CFAP74: variants seen among roughly 807,000 people sequenced by gnomAD.
The protein encoded by CFAP74 is cilia- and flagella-associated protein 74.
In CFAP74, 124 loss-of-function variants were observed where a neutral mutation model predicts 188.9. The ratio of observed to expected loss-of-function variants is 0.66; its 90% confidence interval spans 0.57 to 0.76. The LOEUF (loss-of-function observed/expected upper bound fraction) is 0.76, where lower values mean the gene tolerates loss of function less well. Among genes scored for constraint, CFAP74 ranks in the 30% least tolerant of loss-of-function variants. The pLI is 0.00. For missense variants in CFAP74, 2,198 were observed against 2,165.2 expected, an observed-to-expected ratio of 1.02 and a Z score of -0.30; for synonymous variants, 956 against 916.7, an observed-to-expected ratio of 1.04 and a Z score of -0.77.
At position 1,924,502 on chromosome 1, in the gene CFAP74, G is replaced by A. The variant is rs1651695492; in HGVS notation, c.4123C>T (p.Leu1375Phe). The A allele has an allele frequency of 1.2e-6, 2 of 1,605,140 alleles. No homozygotes were observed. The highest frequency in any genetic ancestry group is 1.3e-5 in the African/African-American group (1 of 74,156). Residue 1375 changes from leucine to phenylalanine, a missense_variant, in exon 34 of 39, where the codon CTC (leucine) becomes TTC (phenylalanine). Leu to Phe is a conservative substitution (Grantham distance 22). Coordinates refer to ENST00000682832, the MANE Select transcript of CFAP74 (RefSeq NM_001304360.2). ...AGGTGCATGGAGAACTTGATGGGGA[G>A]CAGAGAGTTGTTCTGCAGCTGCAGA... ...SGFKLQNNSL[L>F]PIKFSMHLDS...
At position 1,985,371 on chromosome 1, in the gene CFAP74, T is replaced by G. The variant is rs778809476; in HGVS notation, c.500+15A>C. 3.1e-6 allele frequency: 5 copies of G among 1,605,000 alleles called. No homozygotes were observed. In the East Asian group the frequency reaches 1.1e-4, roughly 36 times the overall value. On this transcript the variant is annotated intron_variant, in intron 6 of 38. Coordinates refer to ENST00000682832, the MANE Select transcript of CFAP74 (RefSeq NM_001304360.2). ...GGGCCTGCCTGCTGCCAGTCCCGGCTGCACACCGACTCACTCGCTCTCCTT... is the reference window on the plus strand; with the variant it reads ...GGGCCTGCCTGCTGCCAGTCCCGGCGGCACACCGACTCACTCGCTCTCCTT...
chr1:1,927,395 G>A, intron 28 of CFAP74: 4 of 594,464 alleles, frequency 6.7e-6, no homozygotes, highest in Non-Finnish European at 1.2e-5. Context: ...CGTGGATTGA[G>A]GCTGTGTGCA....
rs530028377 is a variant in CFAP74 at position 1,979,720 on chromosome 1, G to T, written c.501-5522C>A. On this transcript the variant is annotated intron_variant, in intron 6 of 38. Transcript: ENST00000682832. ...GCGCAGAACACGCATGTCATGCTGA[G>T]CTGGGTGTGGGAAGGCGTCACGTGA... Among the ~76,000 whole-genome samples, 6 of 120,814 alleles carry T rather than the reference G, an allele frequency of 5.0e-5. 1 individual carries two copies. The South Asian group carries it at 1.8e-3, about 36-fold the overall frequency. 79.3% of individuals were successfully genotyped at this position (120,814 alleles called of 152,430 possible).
intron 18 of CFAP74, among the ~76,000 whole-genome samples, chr1:1,951,499 G>A (rs949829741): frequency 1.3e-4 from 20 of 152,298 alleles, no homozygotes; most frequent in South Asian, 4.1e-4. Flanking sequence ...CTCTTGTTCC[G>A]TTGGGTCTCT....
intron 1 of CFAP74, among the ~76,000 whole-genome samples, chr1:1,993,947 A>C (rs377491260): frequency 1.3e-4 from 19 of 151,176 alleles, no homozygotes; most frequent in East Asian, 7.8e-4. Flanking sequence ...ACACCACTGC[A>C]CTCCAGCCTG....
chr1:1,968,939 C>G lies in CFAP74; in HGVS notation c.1047-106G>C. On this transcript the variant is annotated intron_variant, in intron 10 of 38. Coordinates refer to ENST00000682832, the MANE Select transcript of CFAP74 (RefSeq NM_001304360.2). This position sits in a 1 kb window ranked among gnomAD's most constrained non-coding sequence, Gnocchi z 4.3. ...CCTCCCTAGCGCCCTCCTGGGGGCTCCGGTCCTGCCCAGCAGCCCCAGGTG... is the reference window on the plus strand; with the variant it reads ...CCTCCCTAGCGCCCTCCTGGGGGCTGCGGTCCTGCCCAGCAGCCCCAGGTG... The G allele has an allele frequency of 1.7e-6, 1 of 587,818 alleles. No homozygotes were observed. Among genetic ancestry groups the G allele is most frequent in the Non-Finnish European group, 2.6e-6 (1 of 382,554 alleles). The allele number at this position is 587,818 out of a possible 1,614,324, so 36.4% of individuals were successfully genotyped here. A position where few individuals can be genotyped will look rare whatever the true frequency, so the allele number is the denominator to read the frequency against.
At position 1,956,736 on chromosome 1, in the gene CFAP74, C is replaced by G; in HGVS notation, c.1900G>C (p.Glu634Gln). Reference sequence around the variant, plus strand: ...AGCGTGATGGTCCGAGACGTGGTCTCTCCTACCACGTAGCTGCCGAAGTCA... The same window carrying G: ...AGCGTGATGGTCCGAGACGTGGTCTGTCCTACCACGTAGCTGCCGAAGTCA... ...LIDFGSYVVG[E>Q]TTSRTITLTN... The change falls in exon 17 of 39, where the codon GAG (glutamate) becomes CAG (glutamine). Residue 634 changes from glutamate (E) to glutamine (Q), a missense_variant. Physicochemically the swap from Glu to Gln is conservative, Grantham distance 29. Transcript: ENST00000682832. The G allele has an allele frequency of 1.2e-6, 2 of 1,613,826 alleles. No individual in the cohort carries two copies. Among genetic ancestry groups the G allele is most frequent in the African/African-American group, 2.7e-5 (2 of 75,062 alleles).
At chr1:1,965,919 C>CTGTA (rs749707318) in intron 12 of CFAP74, among the ~76,000 whole-genome samples, 87 of 152,374 alleles carry the variant, frequency 5.7e-4, no homozygotes, top group Non-Finnish European at 8.5e-4. Flanking sequence ...CCGTGTCTTG[C>CTGTA]TGTAACTGCT....
chr1:1,959,210 C>G lies in CFAP74; in HGVS notation c.1762-1G>C. ...TATTTCCTTCTAGATCCTTGTTTAT[C>G]TAAAACATAAAACAACCCCCACCAC... On this transcript the variant is annotated splice_acceptor_variant, in intron 15 of 38. Coordinates refer to ENST00000682832, the MANE Select transcript of CFAP74 (RefSeq NM_001304360.2). LOFTEE classifies it high-confidence loss of function. The G allele has an allele frequency of 1.2e-6, 2 of 1,601,362 alleles. No homozygotes were observed. The highest frequency in any genetic ancestry group is 2.2e-5 in the South Asian group (2 of 90,760).
chr1:1,968,801 T>C lies in CFAP74; in HGVS notation c.1079A>G (p.Gln360Arg), dbSNP rs1424911695. The C allele has an allele frequency of 6.2e-7, 1 of 1,614,122 alleles. No individual in the cohort carries two copies. The highest frequency in any genetic ancestry group is 8.5e-7 in the Non-Finnish European group (1 of 1,179,982). The change falls in exon 11 of 39, where the codon CAG becomes CGG. Residue 360 changes from glutamine (Q) to arginine (R), a missense_variant. By Grantham distance (43) the Gln-to-Arg change is conservative. Coordinates refer to ENST00000682832, the MANE Select transcript of CFAP74 (RefSeq NM_001304360.2). The surrounding 1 kb of genome is among the most constrained non-coding windows in gnomAD (Gnocchi z 4.3). ...TTTCAGAATCCGACTGATGATCTCCTGCTTTCTGAGCTTCTGCTCCTCCTC... is the reference window on the plus strand; with the variant it reads ...TTTCAGAATCCGACTGATGATCTCCCGCTTTCTGAGCTTCTGCTCCTCCTC... Reference protein sequence around the residue: ...AFEEEQKLRKQEIISRILKEE... With the variant: ...AFEEEQKLRKREIISRILKEE...
intron 25 of CFAP74, among the ~76,000 whole-genome samples, chr1:1,937,887 G>A (rs915303606): frequency 6.9e-6 from 1 of 144,328 alleles, no homozygotes; most frequent in Non-Finnish European, 1.5e-5. Flanking sequence ...TGTGTCCAGA[G>A]GGGTGCCCTG....
chr1:1,928,699 C>T (rs566198099), intron 27 of CFAP74, 85 bp downstream of exon 27: 3 of 984,884 alleles, frequency 3.0e-6, no homozygotes, highest in Admixed American at 2.3e-5. Flanking sequence ...GTGGCCGGAG[C>T]CCCCCAGGAC....
chr1:1,976,175 C>G (rs182954733), intron 6 of CFAP74, among the ~76,000 whole-genome samples: 2 of 152,238 alleles, frequency 1.3e-5, no homozygotes, highest in Non-Finnish European at 2.9e-5. Context: ...CCAGAGACCC[C>G]ACCTCTTCCT....
At chr1:1,994,865 C>T (rs1179455996) in intron 1 of CFAP74, among the ~76,000 whole-genome samples, 1 of 152,178 alleles carries the variant, frequency 6.6e-6, no homozygotes, top group East Asian at 1.9e-4. Context: ...GTACATGAAT[C>T]TACCAGGGCA....
chr1:1,941,729 A>G (rs575811475), intron 22 of CFAP74, among the ~76,000 whole-genome samples: 7 of 152,342 alleles, frequency 4.6e-5, no homozygotes, highest in African/African-American at 1.2e-4. Context: ...GCCACCGGCC[A>G]TGCATGGGAG....
chr1:1,922,628 C>T lies in CFAP74; in HGVS notation c.4779G>A (p.Lys1593=), dbSNP rs1450650671. The change falls in exon 38 of 39, where the codon AAG becomes AAA. Residue 1593 remains lysine (K), a synonymous_variant. Coordinates refer to ENST00000682832, the MANE Select transcript of CFAP74 (RefSeq NM_001304360.2). ...SRGSVERGQT[K]TISISWVPPA... ...GTGGCACCCAGGAGATGCTGATGGT[C>T]TTCGTCTGGCCGCGCTCCACGGAGC... 1.9e-6 allele frequency: 3 copies of T among 1,605,932 alleles called. No individual in the cohort carries two copies. The highest frequency in any genetic ancestry group is 4.5e-5 in the East Asian group (2 of 44,458).
intron 13 of CFAP74, among the ~76,000 whole-genome samples, chr1:1,964,398 C>CT (rs1655310521): frequency 1.3e-5 from 2 of 152,268 alleles, no homozygotes; most frequent in African/African-American, 4.8e-5. Context: ...GTCCAGCCCT[C>CT]CATGGGGATG....
intron 2 of CFAP74, among the ~76,000 whole-genome samples, chr1:1,990,326 T>G (rs1657493722): frequency 7.9e-6 from 1 of 126,936 alleles, no homozygotes; most frequent in South Asian, 2.5e-4. Flanking sequence ...TAAATCTCAG[T>G]AAAAATGATG....
chr1:1,959,936 C>CGAGAGA, intron 15 of CFAP74, 28 bp downstream of exon 15: 1 of 1,559,592 alleles, frequency 6.4e-7, no homozygotes, highest in Non-Finnish European at 8.7e-7. Context: ...ACCTCCCCTT[C>CGAGAGA]GAGAGAGAAC....
Sources: gnomAD v4.1 joint callset for allele counts (sites outside exome capture counted in the v4.1 genomes callset) on GRCh38, gnomAD v4.1.1 for gene constraint, Gnocchi (gnomAD v3.1) non-coding constraint, MANE v1.5 for transcripts, NCBI Gene and HGNC (gene_info 2026-07-23, HGNC 2026-07-21) for gene names.